The following MKRN2OS variants were observed in gnomAD, a reference collection of about 807,000 sequenced individuals.
MKRN2OS encodes the protein MKRN2 opposite strand.
A neutral mutation model predicts 18.2 loss-of-function variants in MKRN2OS; 17 were observed. That is an observed-to-expected ratio of 0.93 (90% CI 0.64 to 1.40). MKRN2OS has a LOEUF of 1.40. MKRN2OS is among the 40% of genes most tolerant of loss of function. The pLI, the probability that MKRN2OS is intolerant of heterozygous loss-of-function variation, is 0.00. For synonymous variants in MKRN2OS, 121 were observed against 108.5 expected (o/e 1.12, Z -0.72); for missense variants, 337 against 283.0 (o/e 1.19, Z -1.37).
chr3:12,553,501 T>A (rs1274265895), downstream of MKRN2OS, among the ~76,000 whole-genome samples: 2 of 152,036 alleles, frequency 1.3e-5, no homozygotes, highest in African/African-American at 4.8e-5. Flanking sequence ...GAAAGAAACT[T>A]TCTTAATTTG....
chr3:12,542,900 A>G (rs2454432), intron 2 of MKRN2OS, among the ~76,000 whole-genome samples: 59,699 of 151,772 alleles, frequency 0.39, 13,098 homozygotes, highest in African/African-American at 0.59. Context: ...CTGGACATCT[A>G]TTTCTTCCTC....
At chr3:12,559,009 G>A (rs2058011303) in intron 1 of MKRN2OS, among the ~76,000 whole-genome samples, 1 of 152,208 alleles carries the variant, frequency 6.6e-6, no homozygotes, top group Non-Finnish European at 1.5e-5. Context: ...CTCATAGACT[G>A]TAGGGCCTCC....
intron 1 of MKRN2OS, among the ~76,000 whole-genome samples, chr3:12,554,390 A>G (rs1469108428): frequency 6.6e-6 from 1 of 152,182 alleles, no homozygotes; most frequent in African/African-American, 2.4e-5. Flanking sequence ...TGACAGTGGC[A>G]GGAACCAAGC....
chr3:12,550,720 G>A (rs561493118), downstream of MKRN2OS, among the ~76,000 whole-genome samples: 5 of 152,090 alleles, frequency 3.3e-5, no homozygotes, highest in East Asian at 1.9e-4. Flanking sequence ...CCCCTCAGTC[G>A]AATTCTTTCT....
At chr3:12,553,939 G>C (rs1027234826) in exon 2 of MKRN2OS, 2 of 152,138 alleles carry the variant, frequency 1.3e-5, no homozygotes, top group African/African-American at 4.8e-5. Context: ...GGGGCAGGTC[G>C]GCACACAAAG....
In MKRN2OS at chr3:12,545,313, G is replaced by A; in HGVS notation, c.152C>T (p.Pro51Leu). 1 of 1,536,124 alleles carries A rather than the reference G, an allele frequency of 6.5e-7. No homozygotes were observed. Among genetic ancestry groups the A allele is most frequent in the South Asian group, 1.2e-5 (1 of 84,056 alleles). ...LEDAPVSIAN[P>L]FTNGHQEKCS... ...TTTTTCTTGATGTCCATTAGTAAAT[G>A]GATTAGCGATGCTAACAGGTGCGTC... The change falls in exon 1 of 4, where the codon CCA (proline) becomes CTA (leucine). Residue 51 changes from proline (P) to leucine (L), a missense_variant. Pro to Leu is a moderately conservative substitution (Grantham distance 98, BLOSUM62 -3). Coordinates refer to ENST00000564146, the MANE Select transcript of MKRN2OS (RefSeq NM_001195279.2).
downstream of MKRN2OS, among the ~76,000 whole-genome samples, chr3:12,551,418 C>CT: frequency 6.6e-6 from 1 of 151,578 alleles, no homozygotes; most frequent in Non-Finnish European, 1.5e-5. Context: ...TCACTTAAAC[C>CT]TGGGAGGCGA....
At chr3:12,551,242 C>A (rs1483805810), downstream of MKRN2OS, among the ~76,000 whole-genome samples, 1 of 151,352 alleles carries the variant, frequency 6.6e-6, no homozygotes, top group African/African-American at 2.4e-5. Context: ...CCTGTAATCC[C>A]AGCACTTTGG....
intron 1 of MKRN2OS, among the ~76,000 whole-genome samples, chr3:12,557,668 G>A (rs1035562271): frequency 2.0e-5 from 3 of 152,268 alleles, no homozygotes; most frequent in African/African-American, 7.2e-5. Context: ...AAAAGTTGTT[G>A]TGTGGAAAAT....
At chr3:12,557,026 G>GCGGCGTGCGGCGGCGTGCGC (rs2057978026) in intron 1 of MKRN2OS, 1 of 1,042,908 alleles carries the variant, frequency 9.6e-7, no homozygotes, top group African/African-American at 1.6e-5. Context: ...CACCGGAGGG[G>GCGGCGTGCGGCGGCGTGCGC]CGGCGTGCGC....
At position 12,540,184 on chromosome 3, in the gene MKRN2OS, A is replaced by G; in HGVS notation, c.*9T>C. 4 of 1,536,162 alleles carry G rather than the reference A, an allele frequency of 2.6e-6. No homozygotes were observed. Among genetic ancestry groups the G allele is most frequent in the Non-Finnish European group, 3.5e-6 (4 of 1,146,916 alleles). On this transcript the variant is annotated 3_prime_UTR_variant, in exon 4 of 4. Transcript: ENST00000564146. Reference sequence around the variant, plus strand: ...ACCCTCCAGCGTCCAGGCTGCGCTTACATAGCTCTCAGCACAAACCGCCGC... The same window carrying G: ...ACCCTCCAGCGTCCAGGCTGCGCTTGCATAGCTCTCAGCACAAACCGCCGC...
chr3:12,555,038 G>A (rs889563384), intron 1 of MKRN2OS, among the ~76,000 whole-genome samples: 3 of 152,184 alleles, frequency 2.0e-5, no homozygotes, highest in Non-Finnish European at 4.4e-5. Flanking sequence ...GGCTGGGCGC[G>A]GTGGCTCTCG....
downstream of MKRN2OS, among the ~76,000 whole-genome samples, chr3:12,553,016 CAAA>C (rs371579378): frequency 1.6e-4 from 16 of 101,964 alleles, no homozygotes; most frequent in African/African-American, 1.7e-4. Flanking sequence ...ACCCGGTCTC[CAAA>C]AAAAAAAAAA....
chr3:12,547,768 C>T (rs1031856312), upstream of MKRN2OS, among the ~76,000 whole-genome samples: 19 of 152,144 alleles, frequency 1.2e-4, no homozygotes, highest in African/African-American at 4.6e-4. Flanking sequence ...GGTGTCATGG[C>T]AGGTAAAGGC....
rs898440026 is a variant in MKRN2OS, at chr3:12,541,988, C to T, written c.303G>A (p.Gln101=). Reference sequence around the variant, plus strand: ...TCTCTTCCCACCCTTCTCCGTCTCGCTGGACACCATGTGCACTGTAATTAT... The same window carrying T: ...TCTCTTCCCACCCTTCTCCGTCTCGTTGGACACCATGTGCACTGTAATTAT... ...VVYNYSAHGV[Q]RDGEGWEESI... The change falls in exon 3 of 4, where the codon CAG becomes CAA. Residue 101 remains glutamine (Q), a synonymous_variant. Coordinates refer to ENST00000564146, the MANE Select transcript of MKRN2OS (RefSeq NM_001195279.2). The T allele has an allele frequency of 4.4e-5, 67 of 1,535,948 alleles. No homozygotes were observed. The highest frequency in any genetic ancestry group is 5.8e-5 in the Non-Finnish European group (67 of 1,146,878).
At position 12,545,350 on chromosome 3, in the gene MKRN2OS, T is replaced by G. The variant is rs906802341; in HGVS notation, c.115A>C (p.Arg39=). ...CPLCQQDLGS[R]KLEDAPVSIA... ...CTAACAGGTGCGTCCTCCAGCTTCC[T>G]CGAGCCCAGGTCCTGCTGGCAGAGA... The change falls in exon 1 of 4, where the codon AGG becomes CGG. Residue 39 remains arginine (R), a synonymous_variant. Coordinates refer to ENST00000564146, the MANE Select transcript of MKRN2OS (RefSeq NM_001195279.2). 2 of 1,536,142 alleles carry G rather than the reference T, an allele frequency of 1.3e-6. No individual in the cohort carries two copies. The highest frequency in any genetic ancestry group is 1.4e-5 in the African/African-American group (1 of 73,164).
chr3:12,542,250 C>G (rs2057825277), intron 2 of MKRN2OS, among the ~76,000 whole-genome samples: 1 of 152,168 alleles, frequency 6.6e-6, no homozygotes, highest in South Asian at 2.1e-4. Flanking sequence ...GAGAGAAACC[C>G]AGTTCTAGCT....
upstream of MKRN2OS, among the ~76,000 whole-genome samples, chr3:12,546,658 G>T (rs903162488): frequency 2.0e-4 from 28 of 136,874 alleles, no homozygotes; most frequent in Non-Finnish European, 2.9e-4. Context: ...TCGGCTCACT[G>T]CAACCTCCGC....
At chr3:12,557,049 G>GCGTGCGCCGC in intron 1 of MKRN2OS, 1 of 1,274,690 alleles carries the variant, frequency 7.8e-7, no homozygotes, top group Non-Finnish European at 1.0e-6. Context: ...GCGTGCGCCG[G>GCGTGCGCCGC]CGTGACGCGG....
Sources: allele counts gnomAD v4.1 joint callset (sites outside exome capture counted in the v4.1 genomes callset), GRCh38; gene constraint gnomAD v4.1.1; transcripts MANE v1.5; gene names NCBI Gene and HGNC (gene_info 2026-07-23, HGNC 2026-07-21).